RHCG: variants seen among roughly 807,000 people sequenced by gnomAD.
RHCG encodes the protein ammonium transporter Rh type C.
RHCG carries 39 observed loss-of-function variants against 55.3 expected under a neutral mutation model. That is an observed-to-expected ratio of 0.70 (90% CI 0.55 to 0.92). The LOEUF (loss-of-function observed/expected upper bound fraction) is 0.92, where lower values mean the gene tolerates loss of function less well. RHCG is among the 40% of genes least tolerant of loss of function. The pLI, the probability that RHCG is intolerant of heterozygous loss-of-function variation, is 0.00. For missense variants in RHCG, 635 were observed against 627.9 expected (o/e 1.01, Z -0.12); for synonymous variants, 250 against 246.8 (o/e 1.01, Z -0.12).
rs763226486 is a variant in RHCG at position 89,477,108 on chromosome 15, A to G, written c.1211T>C (p.Met404Thr). 5.6e-6 allele frequency: 9 copies of G among 1,614,048 alleles called. No homozygotes were observed. The highest frequency in any genetic ancestry group is 7.6e-6 in the Non-Finnish European group (9 of 1,180,012). The part of the protein sequence containing the change: ...QIYGLLVTLA[M>T]ALMGGIIVGL... ...CACAATGATGCCACCCATCAGGGCC[A>G]TGGCCAGGGTCACCAAGAGACCATA... The change falls in exon 8 of 11, where the codon ATG (methionine) becomes ACG (threonine). Residue 404 changes from methionine (M) to threonine (T), a missense_variant. By Grantham distance (81) the Met-to-Thr change is moderately conservative. Transcript: ENST00000268122. This position sits in a 1 kb window ranked among gnomAD's most constrained non-coding sequence, Gnocchi z 4.5.
chr15:89,473,445 G>A (rs1961077070), intron 9 of RHCG, among the ~76,000 whole-genome samples: 2 of 152,122 alleles, frequency 1.3e-5, no homozygotes. Flanking sequence ...TCACTCCCAA[G>A]GTAAACCACT....
Position 89,477,954 on chromosome 15 carries a change from C to T in RHCG, c.858G>A (p.Thr286=), listed in dbSNP as rs145808968. The change falls in exon 6 of 11, where the codon ACG becomes ACA. Residue 286 remains threonine, a synonymous_variant. Transcript: ENST00000268122. This position sits in a 1 kb window ranked among gnomAD's most constrained non-coding sequence, Gnocchi z 4.5. The part of the protein sequence containing the change: ...KLDMVHIQNA[T]LAGGVAVGTA... ...TACCCACGGCCACCCCTCCTGCGAG[C>T]GTGGCATTCTGGATGTGCACCTGGG... 2.5e-4 allele frequency: 403 copies of T among 1,609,042 alleles called. 3 individuals are homozygous for T. Among genetic ancestry groups the T allele is most frequent in the South Asian group, 2.5e-3 (225 of 90,608 alleles).
intron 1 of RHCG, among the ~76,000 whole-genome samples, chr15:89,490,048 C>T (rs1204321842): frequency 1.3e-5 from 2 of 152,246 alleles, no homozygotes; most frequent in Non-Finnish European, 2.9e-5. Flanking sequence ...GTCTCAGAAG[C>T]ACCCAGGTGT....
Position 89,477,927 on chromosome 15 carries a change from G to T in RHCG, c.885C>A (p.Thr295=). The T allele has an allele frequency of 6.2e-7, 1 of 1,613,396 alleles. No homozygotes were observed. Among genetic ancestry groups the T allele is most frequent in the Non-Finnish European group, 8.5e-7 (1 of 1,179,588 alleles). ...ATLAGGVAVG[T]AAEMMLMPYG... The stretch of plus-strand genomic sequence containing the variant: ...AAGGCATGAGCATCATCTCAGCAGC[G>T]GTACCCACGGCCACCCCTCCTGCGA... Residue 295 remains threonine, a synonymous_variant, in exon 6 of 11, where the codon ACC becomes ACA. Coordinates refer to ENST00000268122, the MANE Select transcript of RHCG (RefSeq NM_016321.3). The surrounding 1 kb of genome is among the most constrained non-coding windows in gnomAD (Gnocchi z 4.5).
chr15:89,480,530 A>C, intron 3 of RHCG, 122 bp from the exon 4 acceptor site: 3 of 1,208,426 alleles, frequency 2.5e-6, no homozygotes, highest in Non-Finnish European at 3.5e-6. Context: ...TTCAGGGTGC[A>C]GGATGGAGCC....
chr15:89,496,347 G>T lies in RHCG; in HGVS notation c.184+14C>A, dbSNP rs1216844400. On this transcript the variant is annotated intron_variant, in intron 1 of 10. Transcript: ENST00000268122. ...GGATATGCCTCCGCTGGGCCTGCAG[G>T]CGGCGAGACTTACTTGGGTAGCGAT... is the stretch of plus-strand genomic sequence containing the variant. The T allele has an allele frequency of 1.5e-5, 24 of 1,613,150 alleles. No homozygotes were observed. Among genetic ancestry groups the T allele is most frequent in the Non-Finnish European group, 1.9e-5 (22 of 1,179,670 alleles).
chr15:89,476,560 C>G (rs1026254375), intron 9 of RHCG, among the ~76,000 whole-genome samples, 195 bp downstream of exon 9: 2 of 152,196 alleles, frequency 1.3e-5, no homozygotes, highest in East Asian at 3.9e-4. Context: ...TCACCCACTC[C>G]AAGCCCTGGG....
chr15:89,479,411 C>A lies in RHCG; in HGVS notation c.748G>T (p.Ala250Ser), dbSNP rs760903375. 6.2e-7 allele frequency: 1 copy of A among 1,614,132 alleles called. No individual in the cohort carries two copies. Among genetic ancestry groups the A allele is most frequent in the South Asian group, 1.1e-5 (1 of 91,078 alleles). Reference sequence around the variant, plus strand: ...GCCAAGGAGCAGTAGGTGTTGATGGCGGCTCGGTGCTGGCTGTCCCCATGG... The same window carrying A: ...GCCAAGGAGCAGTAGGTGTTGATGGAGGCTCGGTGCTGGCTGTCCCCATGG... Reference protein sequence around the residue: ...SYHGDSQHRAAINTYCSLAAC... With the variant: ...SYHGDSQHRASINTYCSLAAC... The change falls in exon 5 of 11, where the codon GCC becomes TCC. Residue 250 changes from alanine (A) to serine (S), a missense_variant. Ala to Ser is a moderately conservative substitution (Grantham distance 99). Transcript: ENST00000268122.
chr15:89,486,547 TGAGAGAGAGAGAGAGACAGAGAGA>T (rs776234445), intron 2 of RHCG: 4 of 465,824 alleles, frequency 8.6e-6, no homozygotes, highest in East Asian at 5.1e-5. Context: ...GGAAGCGAAG[TGAGAGAGAGAGAGAGACAGAGAGA>T]GAGAGAGAGA....
Position 89,496,392 on chromosome 15 carries a change from G to T in RHCG, c.153C>A (p.Asp51Glu), listed in dbSNP as rs548044426. 20 of 1,614,020 alleles carry T rather than the reference G, an allele frequency of 1.2e-5. No homozygotes were observed. In the South Asian group the frequency reaches 1.9e-4, roughly 15 times the overall value. The change falls in exon 1 of 11, where the codon GAC (aspartate) becomes GAA (glutamate). Residue 51 changes from aspartate to glutamate, a missense_variant. Coordinates refer to ENST00000268122, the MANE Select transcript of RHCG (RefSeq NM_016321.3). ...AGCGATAGTAGAATTCGTTCTCCATGTCGCTCAAGTTCTTGTGCGTCCTCT... is the reference window on the plus strand; with the variant it reads ...AGCGATAGTAGAATTCGTTCTCCATTTCGCTCAAGTTCTTGTGCGTCCTCT... ...WSERTHKNLSDMENEFYYRYP... is the reference protein window; with the variant it reads ...WSERTHKNLSEMENEFYYRYP...
chr15:89,493,418 TACCTGCTGCAGGG>T (rs1366214157), intron 1 of RHCG, among the ~76,000 whole-genome samples: 2 of 152,220 alleles, frequency 1.3e-5, no homozygotes, highest in Non-Finnish European at 2.9e-5. Context: ...CCATGCCTGC[TACCTGCTGCAGGG>T]CCCATGCCTG....
intron 2 of RHCG, among the ~76,000 whole-genome samples, chr15:89,483,696 G>T (rs1406385584): frequency 6.6e-6 from 1 of 151,972 alleles, no homozygotes; most frequent in South Asian, 2.1e-4. Context: ...TGGTAACCAG[G>T]GCCTTGTTAT....
intron 1 of RHCG, among the ~76,000 whole-genome samples, chr15:89,490,118 C>G (rs1022083831): frequency 6.6e-6 from 1 of 152,236 alleles, no homozygotes; most frequent in Non-Finnish European, 1.5e-5. Flanking sequence ...CTGCAGCCCC[C>G]CTCCAGTCCG....
chr15:89,483,267 C>T, intron 2 of RHCG, 50 bp from the exon 3 acceptor site: 1 of 1,456,932 alleles, frequency 6.9e-7, no homozygotes, highest in African/African-American at 1.4e-5. Context: ...CAAAAAGTGG[C>T]ACTGGAGGCC....
In RHCG at chr15:89,486,986, C is replaced by A. The variant is rs1362745691; in HGVS notation, c.185-1G>T. ...ACCATCACGTGCACGTCCTGGAAGCCTGCGGGGACAGTGCAGCCCGGGACT... is the reference window on the plus strand; with the variant it reads ...ACCATCACGTGCACGTCCTGGAAGCATGCGGGGACAGTGCAGCCCGGGACT... On this transcript the variant is annotated splice_acceptor_variant, in intron 1 of 10. Transcript: ENST00000268122. LOFTEE classifies it high-confidence loss of function. 6 of 1,586,474 alleles carry A rather than the reference C, an allele frequency of 3.8e-6. No individual in the cohort carries two copies. The highest frequency in any genetic ancestry group is 5.2e-6 in the Non-Finnish European group (6 of 1,161,246).
chr15:89,478,039 G>A (rs1961190063), intron 5 of RHCG, 65 bp from the exon 6 acceptor site: 2 of 1,539,380 alleles, frequency 1.3e-6, no homozygotes, highest in Non-Finnish European at 1.8e-6. Context: ...GCCTGGAGGA[G>A]CTCACTTGCT....
At chr15:89,487,008 G>T in intron 1 of RHCG, 23 bp from the exon 2 acceptor site, 2 of 1,534,520 alleles carry the variant, frequency 1.3e-6, no homozygotes, top group Non-Finnish European at 1.8e-6. Flanking sequence ...TGCAGCCCGG[G>T]ACTCGGTGGT....
intron 1 of RHCG, among the ~76,000 whole-genome samples, chr15:89,495,012 A>T (rs1252916416): frequency 6.6e-6 from 1 of 152,172 alleles, no homozygotes; most frequent in Admixed American, 6.5e-5. Flanking sequence ...AAAGGTGGAC[A>T]ATGTGAACAG....
At chr15:89,474,129 C>A (rs960183896) in intron 9 of RHCG, among the ~76,000 whole-genome samples, 36 of 151,816 alleles carry the variant, frequency 2.4e-4, no homozygotes, top group Non-Finnish European at 4.7e-4. Context: ...GTGAATAATA[C>A]AATTTCAACC....
Sources: gnomAD v4.1 joint callset for allele counts (sites outside exome capture counted in the v4.1 genomes callset) on GRCh38, gnomAD v4.1.1 for gene constraint, Gnocchi (gnomAD v3.1) non-coding constraint, MANE v1.5 for transcripts, NCBI Gene and HGNC (gene_info 2026-07-23, HGNC 2026-07-21) for gene names.